The following VAPB variants were observed in gnomAD, a reference collection of about 807,000 sequenced individuals.
The protein encoded by VAPB is VAMP associated protein B and C.
Under a neutral mutation model 25.6 loss-of-function variants are expected in VAPB, and 7 were observed. The observed-to-expected ratio is 0.27, with a 90% CI of 0.16 to 0.51. VAPB has a LOEUF of 0.51. Ranked by LOEUF, VAPB falls within the 20% of genes least tolerant of loss-of-function variation. The pLI is 0.97. For missense variants in VAPB, 266 were observed against 301.3 expected, an observed-to-expected ratio of 0.88 and a Z score of 0.87; for synonymous variants, 112 against 109.2, an observed-to-expected ratio of 1.03 and a Z score of -0.16.
chr20:58,403,288 A>G (rs1988144033), intron 1 of VAPB, among the ~76,000 whole-genome samples: 2 of 152,184 alleles, frequency 1.3e-5, no homozygotes, highest in African/African-American at 4.8e-5. Context: ...ATCACTTAAC[A>G]GTATTTTGCA....
At chr20:58,440,739 T>C (rs951196318) in intron 4 of VAPB, 168 bp from the exon 5 acceptor site, 29 of 619,742 alleles carry the variant, frequency 4.7e-5, no homozygotes, top group Non-Finnish European at 7.4e-5. Flanking sequence ...TGCTTTAGAT[T>C]ATTAAGATAT....
chr20:58,429,804 C>T (rs1046603518), intron 2 of VAPB, among the ~76,000 whole-genome samples: 5 of 152,078 alleles, frequency 3.3e-5, no homozygotes, highest in African/African-American at 1.2e-4. Context: ...ATTACTTGGC[C>T]GCATTGACTT....
At chr20:58,428,289 A>G (rs1988851332) in intron 2 of VAPB, among the ~76,000 whole-genome samples, 1 of 152,196 alleles carries the variant, frequency 6.6e-6, no homozygotes, top group African/African-American at 2.4e-5. Context: ...ATGAGTAGTG[A>G]CCTGGCTTCC....
chr20:58,434,506 G>A (rs375128041), intron 2 of VAPB, 96 bp from the exon 3 acceptor site: 9 of 736,582 alleles, frequency 1.2e-5, no homozygotes, highest in South Asian at 7.1e-5. Context: ...AGAGAATGCC[G>A]GTAAATTGCT....
intron 2 of VAPB, among the ~76,000 whole-genome samples, chr20:58,432,055 G>A (rs551744808): frequency 6.6e-6 from 1 of 152,204 alleles, no homozygotes; most frequent in South Asian, 2.1e-4. Flanking sequence ...GGATGATGGA[G>A]AAATGGAAAG....
In VAPB at chr20:58,444,241, G is replaced by A. The variant is rs1337774242; in HGVS notation, c.*6G>A. 1 of 1,614,062 alleles carries A rather than the reference G, an allele frequency of 6.2e-7. No homozygotes were observed. Among genetic ancestry groups the A allele is most frequent in the African/African-American group, 1.3e-5 (1 of 74,924 alleles). On this transcript the variant is annotated 3_prime_UTR_variant, in exon 6 of 6. Coordinates refer to ENST00000475243, the MANE Select transcript of VAPB (RefSeq NM_004738.5). ...TTGGGAAGATTGCCTTGTAGAGGTA[G>A]CATGCACAGGATGGTAAATTGGATT...
In VAPB at chr20:58,445,027, G is replaced by C. The variant is rs1290038764; in HGVS notation, c.*792G>C. ...ATGCTGCGTGCTGCTGAACTCTGTT[G>C]GGTGAACTGGTATTGCTGCTGGAGG... On this transcript the variant is annotated 3_prime_UTR_variant, in exon 6 of 6. Transcript: ENST00000475243. 1 of 454,644 alleles carries C rather than the reference G, an allele frequency of 2.2e-6. No homozygotes were observed. The highest frequency in any genetic ancestry group is 4.4e-6 in the Non-Finnish European group (1 of 226,798). 28.2% of individuals were successfully genotyped at this position (454,644 alleles called of 1,614,324 possible).
chr20:58,447,190 C>T lies in VAPB; in HGVS notation c.*2955C>T, dbSNP rs1568724220. ...AATGCAGAAGAGATGGAAGCGGTGA[C>T]AGAATCCTGAAAGTTTTTATTGATT... is the stretch of plus-strand genomic sequence containing the variant. On this transcript the variant is annotated 3_prime_UTR_variant, in exon 6 of 6. Coordinates refer to ENST00000475243, the MANE Select transcript of VAPB (RefSeq NM_004738.5). 1 of 454,074 alleles carries T rather than the reference C, an allele frequency of 2.2e-6. No individual in the cohort carries two copies. The highest frequency in any genetic ancestry group is 4.4e-6 in the Non-Finnish European group (1 of 226,790). The allele number at this position is 454,074 out of a possible 1,614,324, so 28.1% of individuals were successfully genotyped here.
chr20:58,445,821 A>G lies in VAPB; in HGVS notation c.*1586A>G, dbSNP rs1378013821. 3 of 453,854 alleles carry G rather than the reference A, an allele frequency of 6.6e-6. No individual in the cohort carries two copies. The highest frequency in any genetic ancestry group is 4.7e-5 in the South Asian group (3 of 64,460). 28.1% of individuals were successfully genotyped at this position (453,854 alleles called of 1,614,324 possible). On this transcript the variant is annotated 3_prime_UTR_variant, in exon 6 of 6. Transcript: ENST00000475243. ...TTGGCCTTCCATTGCTTTGGCCTTC[A>G]GTAAAAAGCAGCCTCCCTTCTAGGT... is the stretch of plus-strand genomic sequence containing the variant.
At chr20:58,389,615 A>AC in intron 1 of VAPB, 98 bp downstream of exon 1, 2 of 1,296,010 alleles carry the variant, frequency 1.5e-6, no homozygotes, top group South Asian at 3.0e-5. Context: ...CCTCGTCCCC[A>AC]CCCCGACGGC....
At chr20:58,411,588 G>GT (rs1261698005) in intron 1 of VAPB, among the ~76,000 whole-genome samples, 1 of 152,196 alleles carries the variant, frequency 6.6e-6, no homozygotes, top group Admixed American at 6.5e-5. Context: ...CTTTTCGTAT[G>GT]TTTATTTGCT....
At chr20:58,389,713 G>C (rs1987740769) in intron 1 of VAPB, among the ~76,000 whole-genome samples, 196 bp downstream of exon 1, 1 of 152,178 alleles carries the variant, frequency 6.6e-6, no homozygotes, top group Non-Finnish European at 1.5e-5. Context: ...ACCCGAGAGG[G>C]CTGGTGCGGG....
rs1989360979 is a variant in VAPB at position 58,448,786 on chromosome 20, A to T, written c.*4551A>T. 1 of 454,128 alleles carries T rather than the reference A, an allele frequency of 2.2e-6. No individual in the cohort carries two copies. Among genetic ancestry groups the T allele is most frequent in the Non-Finnish European group, 4.4e-6 (1 of 226,790 alleles). 28.1% of individuals were successfully genotyped at this position (454,128 alleles called of 1,614,324 possible). A position where few individuals can be genotyped will look rare whatever the true frequency, so the allele number is the denominator to read the frequency against. On this transcript the variant is annotated 3_prime_UTR_variant, in exon 6 of 6. Coordinates refer to ENST00000475243, the MANE Select transcript of VAPB (RefSeq NM_004738.5). ...ACTGAACACACTACAGACAGTGAAA[A>T]AAGGTACATATTCCATTTTCTCATT...
intron 1 of VAPB, among the ~76,000 whole-genome samples, chr20:58,399,613 G>A (rs1988046105): frequency 6.6e-6 from 1 of 151,720 alleles, no homozygotes; most frequent in African/African-American, 2.4e-5. Flanking sequence ...CTAATCCGGA[G>A]GCTGAGGGGC....
At chr20:58,440,727 G>A (rs373280837) in intron 4 of VAPB, 180 bp from the exon 5 acceptor site, 2 of 574,692 alleles carry the variant, frequency 3.5e-6, no homozygotes, top group African/African-American at 3.8e-5. Context: ...CTAGGGCCCT[G>A]TTGCTTTAGA....
At position 58,436,327 on chromosome 20, in the gene VAPB, CTTTTTTTTT is replaced by C. The variant is rs57100987; in HGVS notation, c.315+1637_315+1645del. On this transcript the variant is annotated intron_variant, in intron 3 of 5. Transcript: ENST00000475243. ...AAATGAGAGCTTTGTGTTTTTCTTC[CTTTTTTTTT>C]TTTTTTTTTTTTTTGGAGACATGAT... 2.5e-4 allele frequency among the ~76,000 whole-genome samples: 29 copies of C among 114,990 alleles called. No homozygotes were observed. The East Asian group carries it at 3.3e-3, about 13-fold the overall frequency. 75.4% of individuals were successfully genotyped at this position (114,990 alleles called of 152,430 possible).
At chr20:58,436,327 CTTTTTT>C (rs57100987) in intron 3 of VAPB, among the ~76,000 whole-genome samples, 18 of 114,988 alleles carry the variant, frequency 1.6e-4, no homozygotes, top group African/African-American at 4.0e-4. Flanking sequence ...GTTTTTCTTC[CTTTTTT>C]TTTTTTTTTT....
intron 2 of VAPB, among the ~76,000 whole-genome samples, chr20:58,419,422 T>C (rs1568709845): frequency 6.6e-6 from 1 of 152,166 alleles, no homozygotes. Context: ...GATCTTCGAA[T>C]CAAGTTATTA....
At chr20:58,393,434 T>A (rs1227985132) in intron 1 of VAPB, among the ~76,000 whole-genome samples, 1 of 152,224 alleles carries the variant, frequency 6.6e-6, no homozygotes, top group Non-Finnish European at 1.5e-5. Context: ...TTCCAAGTCC[T>A]AATCGTTTCC....
Sources: allele counts gnomAD v4.1 joint callset (sites outside exome capture counted in the v4.1 genomes callset), GRCh38; gene constraint gnomAD v4.1.1; transcripts MANE v1.5; gene names NCBI Gene and HGNC (gene_info 2026-07-23, HGNC 2026-07-21).